TRIM44: variants seen among roughly 807,000 people sequenced by gnomAD.
TRIM44 encodes the protein tripartite motif-containing protein 44.
TRIM44 carries 13 observed loss-of-function variants against 37.4 expected under a neutral mutation model. The observed-to-expected ratio is 0.35, with a 90% CI of 0.23 to 0.55. The LOEUF (loss-of-function observed/expected upper bound fraction) is 0.55, where lower values mean the gene tolerates loss of function less well. TRIM44 is among the 20% of genes least tolerant of loss of function. The pLI is 0.89. For synonymous variants in TRIM44, 175 were observed against 157.2 expected, an observed-to-expected ratio of 1.11 and a Z score of -0.85; for missense variants, 426 against 437.2, an observed-to-expected ratio of 0.97 and a Z score of 0.23.
At chr11:35,785,947 T>C (rs1472096288) in intron 4 of TRIM44, among the ~76,000 whole-genome samples, 1 of 152,232 alleles carries the variant, frequency 6.6e-6, no homozygotes, top group African/African-American at 2.4e-5. Context: ...TGGCACTTTA[T>C]TTCCTTAACC....
At chr11:35,765,738 A>G (rs1852789591) in intron 4 of TRIM44, among the ~76,000 whole-genome samples, 1 of 151,538 alleles carries the variant, frequency 6.6e-6, no homozygotes, top group Non-Finnish European at 1.5e-5. Flanking sequence ...TTCAGTCTTG[A>G]TGTTTCACTC....
At chr11:35,796,998 G>A (rs1001338494) in intron 4 of TRIM44, among the ~76,000 whole-genome samples, 6 of 152,176 alleles carry the variant, frequency 3.9e-5, no homozygotes, top group African/African-American at 1.4e-4. Context: ...TAAGATTTCT[G>A]GAGGGTAGTA....
chr11:35,733,551 T>C (rs1229132137), intron 3 of TRIM44, among the ~76,000 whole-genome samples: 1 of 152,168 alleles, frequency 6.6e-6, no homozygotes, highest in Non-Finnish European at 1.5e-5. Flanking sequence ...ATACCCTCCC[T>C]CTACCACTCG....
intron 4 of TRIM44, among the ~76,000 whole-genome samples, chr11:35,743,178 CAT>C (rs1852436149): frequency 6.6e-6 from 1 of 152,112 alleles, no homozygotes; most frequent in East Asian, 1.9e-4. Context: ...AGTGAAAACA[CAT>C]GTGCTGTGCG....
At chr11:35,805,247 C>T (rs982573019) in intron 4 of TRIM44, among the ~76,000 whole-genome samples, 17 of 152,158 alleles carry the variant, frequency 1.1e-4, no homozygotes, top group African/African-American at 2.9e-4. Context: ...TTCAGTGCCC[C>T]GGTCCACAGT....
At chr11:35,705,318 CTT>C (rs1851864575) in intron 2 of TRIM44, among the ~76,000 whole-genome samples, 1 of 152,112 alleles carries the variant, frequency 6.6e-6, no homozygotes, top group Admixed American at 6.5e-5. Flanking sequence ...TAATGGGAGA[CTT>C]TAACACCCCA....
rs538543093 is a variant in TRIM44, at chr11:35,703,612, G to A, written c.747+18276G>A. ...CAGCATTCGCGGTTCACAAAAATCC[G>A]CTGTTCTGCAGCCACCGCTGCTGGT... On this transcript the variant is annotated intron_variant, in intron 2 of 4. Transcript: ENST00000299413. Among the ~76,000 whole-genome samples, 308 of 152,256 alleles carry A rather than the reference G, an allele frequency of 2.0e-3. 1 individual carries two copies. Among genetic ancestry groups the A allele is most frequent in the African/African-American group, 7.1e-3 (294 of 41,540 alleles).
chr11:35,766,969 A>G (rs1458371489), intron 4 of TRIM44, among the ~76,000 whole-genome samples: 1 of 152,234 alleles, frequency 6.6e-6, no homozygotes, highest in Non-Finnish European at 1.5e-5. Flanking sequence ...GACATTTAGC[A>G]TGAAGTACTA....
chr11:35,738,846 G>A lies in TRIM44; in HGVS notation c.1007+3401G>A, dbSNP rs148654851. Among the ~76,000 whole-genome samples the A allele has an allele frequency of 1.8e-3, 280 of 152,234 alleles. 2 individuals carry two copies. Among genetic ancestry groups the A allele is most frequent in the African/African-American group, 6.5e-3 (269 of 41,540 alleles). ...GTTCCAGTTCTGCTTGGATCATTAT[G>A]CCTGTGTCTCCTTTGCTAGCATTCT... On this transcript the variant is annotated intron_variant, in intron 4 of 4. Transcript: ENST00000299413.
At chr11:35,685,864 A>G (rs1230989850) in intron 2 of TRIM44, among the ~76,000 whole-genome samples, 3 of 152,226 alleles carry the variant, frequency 2.0e-5, no homozygotes, top group East Asian at 3.9e-4. Flanking sequence ...GGGTTTCACC[A>G]TGTTGGTCAG....
Position 35,663,228 on chromosome 11 carries a change from C to T in TRIM44, c.117C>T (p.Cys39=), listed in dbSNP as rs1191123962. The change falls in exon 1 of 5, where the codon TGC becomes TGT. Residue 39 remains cysteine, a synonymous_variant. Coordinates refer to ENST00000299413, the MANE Select transcript of TRIM44 (RefSeq NM_017583.6). ...AAGTGTGCCGAGAATGCGGCTTCTG[C>T]TACTGCCGCCGCCATGCCGAGGCGC... ...AEEVCRECGF[C]YCRRHAEAHR... 1.2e-6 allele frequency: 2 copies of T among 1,607,156 alleles called. No homozygotes were observed. Among genetic ancestry groups the T allele is most frequent in the Non-Finnish European group, 1.7e-6 (2 of 1,175,292 alleles).
chr11:35,705,143 C>CTTT (rs1277285776), intron 2 of TRIM44, among the ~76,000 whole-genome samples: 2 of 148,700 alleles, frequency 1.3e-5, no homozygotes, highest in African/African-American at 5.0e-5. Flanking sequence ...TTTAAACCAA[C>CTTT]AAAGATCAAA....
intron 2 of TRIM44, among the ~76,000 whole-genome samples, chr11:35,722,443 A>G (rs1276522874): frequency 6.6e-6 from 1 of 152,224 alleles, no homozygotes; most frequent in Non-Finnish European, 1.5e-5. Flanking sequence ...AGAGGAATGA[A>G]AAAATGGCTA....
chr11:35,804,508 G>T (rs1354875867), intron 4 of TRIM44, among the ~76,000 whole-genome samples: 1 of 152,186 alleles, frequency 6.6e-6, no homozygotes, highest in Non-Finnish European at 1.5e-5. Context: ...GCTAAAAAGT[G>T]AACTGCAGCT....
chr11:35,669,089 T>TTCTG (rs1851363419), intron 1 of TRIM44, among the ~76,000 whole-genome samples: 1 of 152,208 alleles, frequency 6.6e-6, no homozygotes, highest in Non-Finnish European at 1.5e-5. Context: ...TTGTGCTGGG[T>TTCTG]TCTGTGTAGC....
At position 35,815,098 on chromosome 11, in the gene TRIM44, G is replaced by A. The variant is rs553023083; in HGVS notation, c.*8713G>A. ...TGCTTGCTTTCCTCCCTAAGCCAGA[G>A]TGTAGTTAAACATTTATATGTCCCA... On this transcript the variant is annotated 3_prime_UTR_variant, in exon 5 of 5. Transcript: ENST00000299413. 6.6e-6 allele frequency: 1 copy of A among 152,242 alleles called. No homozygotes were observed. The highest frequency in any genetic ancestry group is 2.1e-4 in the South Asian group (1 of 4,816). The allele number at this position is 152,242 out of a possible 1,614,324, so 9.4% of individuals were successfully genotyped here.
At chr11:35,723,512 G>A (rs1196577146) in intron 2 of TRIM44, among the ~76,000 whole-genome samples, 2 of 152,134 alleles carry the variant, frequency 1.3e-5, no homozygotes, top group Admixed American at 1.3e-4. Context: ...AAGGCATAAA[G>A]GTTTTGTAAA....
At chr11:35,674,070 T>C (rs528546118) in intron 1 of TRIM44, among the ~76,000 whole-genome samples, 1 of 152,228 alleles carries the variant, frequency 6.6e-6, no homozygotes, top group Admixed American at 6.5e-5. Flanking sequence ...GGAACACAGA[T>C]GCTCATGGAC....
intron 4 of TRIM44, among the ~76,000 whole-genome samples, chr11:35,740,451 T>A (rs1398870141): frequency 6.6e-6 from 1 of 151,930 alleles, no homozygotes; most frequent in Non-Finnish European, 1.5e-5. Context: ...TTTTCTGTAA[T>A]TTTTTTTAAC....
Sources: gnomAD v4.1 joint callset for allele counts (sites outside exome capture counted in the v4.1 genomes callset) on GRCh38, gnomAD v4.1.1 for gene constraint, MANE v1.5 for transcripts, NCBI Gene and HGNC (gene_info 2026-07-23, HGNC 2026-07-21) for gene names.